RAVER2: variants seen among roughly 807,000 people sequenced by gnomAD.
RAVER2 encodes ribonucleoprotein, PTB binding 2, also known as ribonucleoprotein PTB-binding 2.
RAVER2 carries 46 observed loss-of-function variants against 78.1 expected under a neutral mutation model. The ratio of observed to expected loss-of-function variants is 0.59; its 90% CI spans 0.46 to 0.75. The LOEUF (loss-of-function observed/expected upper bound fraction) is 0.75. RAVER2 is among the 30% of genes least tolerant of loss of function. RAVER2 has a pLI of 0.00. For synonymous variants in RAVER2, 311 were observed against 313.3 expected (o/e 0.99, Z 0.08); for missense variants, 793 against 837.5 (o/e 0.95, Z 0.66).
At chr1:64,746,426 T>C (rs1261176939) in intron 1 of RAVER2, among the ~76,000 whole-genome samples, 1 of 152,144 alleles carries the variant, frequency 6.6e-6, no homozygotes, top group Non-Finnish European at 1.5e-5. Flanking sequence ...CTGCTCCGAG[T>C]GTGGTGGGCT....
At chr1:64,758,767 C>T (rs760409531) in intron 1 of RAVER2, among the ~76,000 whole-genome samples, 1 of 152,122 alleles carries the variant, frequency 6.6e-6, no homozygotes, top group East Asian at 1.9e-4. Flanking sequence ...ATGGGGCCTG[C>T]CTGGACTTAT....
intron 1 of RAVER2, among the ~76,000 whole-genome samples, chr1:64,750,108 A>G (rs1209243336): frequency 2.0e-5 from 3 of 152,202 alleles, no homozygotes; most frequent in Non-Finnish European, 4.4e-5. Context: ...TTTGGATATT[A>G]TAAACTTACA....
Position 64,773,335 on chromosome 1 carries a change from C to T in RAVER2, c.317-4288C>T, listed in dbSNP as rs1355420260. On this transcript the variant is annotated intron_variant, in intron 2 of 11. Transcript: ENST00000294428. The stretch of plus-strand genomic sequence containing the variant: ...TATTTCTCCTAATGCTATCCCTCCC[C>T]CGCTACACCCCCCGACAGGCCCCAG... Among the ~76,000 whole-genome samples the T allele has an allele frequency of 2.0e-5, 3 of 151,986 alleles. No homozygotes were observed. In the East Asian group the frequency reaches 5.8e-4, roughly 29 times the overall value.
At chr1:64,771,409 T>G (rs1570540611) in intron 2 of RAVER2, among the ~76,000 whole-genome samples, 1 of 152,024 alleles carries the variant, frequency 6.6e-6, no homozygotes, top group South Asian at 2.1e-4. Flanking sequence ...ACTTGCACTA[T>G]AAGAAATACT....
At chr1:64,759,382 G>A (rs1026257574) in intron 1 of RAVER2, among the ~76,000 whole-genome samples, 6 of 151,000 alleles carry the variant, frequency 4.0e-5, no homozygotes, top group Admixed American at 1.3e-4. Flanking sequence ...CACCACGCCC[G>A]GCTAATTTTT....
chr1:64,804,776 CTT>C lies in RAVER2; in HGVS notation c.1236_1237del (p.His414TyrfsTer12), dbSNP rs778108657. The C allele has an allele frequency of 6.5e-7, 1 of 1,547,286 alleles. No individual in the cohort carries two copies. The highest frequency in any genetic ancestry group is 1.1e-5 in the South Asian group (1 of 89,246). On this transcript the variant is annotated frameshift_variant, in exon 7 of 12. Coordinates refer to ENST00000294428, the Ensembl canonical transcript of RAVER2. LOFTEE classifies it high-confidence loss of function. ...TACTTCTAATTTATTCCTTCAGAAT[CTT>C]TCTCATATACCACTGGCACAACAAC...
intron 10 of RAVER2, among the ~76,000 whole-genome samples, 175 bp downstream of exon 10, chr1:64,813,024 A>G (rs555402677): frequency 6.6e-6 from 1 of 152,338 alleles, no homozygotes; most frequent in East Asian, 1.9e-4. Context: ...AATGCGTGCT[A>G]TTTTATTTAA....
intron 11 of RAVER2, among the ~76,000 whole-genome samples, chr1:64,821,024 C>T (rs1027531533): frequency 2.6e-5 from 4 of 152,216 alleles, no homozygotes; most frequent in African/African-American, 9.7e-5. Flanking sequence ...CTCCCACCAA[C>T]AATGTATTAG....
intron 5 of RAVER2, among the ~76,000 whole-genome samples, chr1:64,795,878 C>T (rs1653081842): frequency 6.6e-6 from 1 of 151,968 alleles, no homozygotes; most frequent in African/African-American, 2.4e-5. Flanking sequence ...TTTCTGATCT[C>T]ATGGAGAAAG....
chr1:64,805,079 G>A (rs756209555), exon 8 of RAVER2: 2 of 1,613,992 alleles, frequency 1.2e-6, no homozygotes, highest in South Asian at 1.1e-5. Context: ...AAGGAGTTGG[G>A]ACATCATCAT....
chr1:64,824,556 T>C (rs1292953157), intron 11 of RAVER2, among the ~76,000 whole-genome samples: 2 of 152,206 alleles, frequency 1.3e-5, no homozygotes, highest in Admixed American at 1.3e-4. Flanking sequence ...TATCTATATA[T>C]TAACCCTAGA....
chr1:64,778,377 T>C (rs1408477108), intron 3 of RAVER2, among the ~76,000 whole-genome samples: 3 of 152,210 alleles, frequency 2.0e-5, no homozygotes, highest in African/African-American at 7.2e-5. Context: ...TCAATCCATT[T>C]ATCTATCCAA....
At chr1:64,810,235 G>A (rs1370350288) in intron 9 of RAVER2, among the ~76,000 whole-genome samples, 4 of 152,110 alleles carry the variant, frequency 2.6e-5, no homozygotes, top group African/African-American at 4.8e-5. Context: ...CCTTGCCAAC[G>A]CTTGTTTTCT....
intron 1 of RAVER2, among the ~76,000 whole-genome samples, chr1:64,765,474 A>G (rs1282650640): frequency 1.3e-5 from 2 of 152,236 alleles, no homozygotes; most frequent in Non-Finnish European, 2.9e-5. Context: ...TTTTAGAAAC[A>G]TAATATTGAG....
intron 10 of RAVER2, among the ~76,000 whole-genome samples, chr1:64,813,149 A>G (rs1355579758): frequency 6.6e-6 from 1 of 152,208 alleles, no homozygotes; most frequent in East Asian, 1.9e-4. Context: ...GCTACCAATA[A>G]TTGGTGGAAG....
intron 6 of RAVER2, among the ~76,000 whole-genome samples, chr1:64,803,756 T>C (rs1653335130): frequency 6.6e-6 from 1 of 152,228 alleles, no homozygotes; most frequent in Non-Finnish European, 1.5e-5. Flanking sequence ...ATGTATTTTA[T>C]TGAGTATCTG....
chr1:64,828,021 C>T (rs992154306), intron 11 of RAVER2, among the ~76,000 whole-genome samples: 1 of 152,078 alleles, frequency 6.6e-6, no homozygotes. Context: ...TTTTTGCCAT[C>T]TGCCTTTGCA....
At chr1:64,808,460 T>TTTTTTG (rs1653507262) in intron 9 of RAVER2, among the ~76,000 whole-genome samples, 1 of 142,402 alleles carries the variant, frequency 7.0e-6, no homozygotes, top group African/African-American at 2.7e-5. Flanking sequence ...GCAGTCCTTT[T>TTTTTTG]TTTTTTTTTT....
intron 1 of RAVER2, among the ~76,000 whole-genome samples, chr1:64,755,298 G>A (rs79848041): frequency 0.013 from 1,920 of 152,122 alleles, 36 homozygotes; most frequent in African/African-American, 0.044. Context: ...TTGTCTTCTA[G>A]GTATTTGGAG....
Sources: gnomAD v4.1 joint callset for allele counts (sites outside exome capture counted in the v4.1 genomes callset) on GRCh38, gnomAD v4.1.1 for gene constraint, MANE v1.5 for transcripts, NCBI Gene and HGNC (gene_info 2026-07-23, HGNC 2026-07-21) for gene names.